Variants in DNAH2 observed in about 807,000 individuals in gnomAD.
DNAH2 encodes the protein dynein axonemal heavy chain 2, also known as axonemal beta dynein heavy chain 2.
Under a neutral mutation model 523.5 loss-of-function variants are expected in DNAH2, and 323 were observed. The ratio of observed to expected loss-of-function variants is 0.62; its 90% CI spans 0.56 to 0.68. The LOEUF (loss-of-function observed/expected upper bound fraction) is 0.68, where lower values mean the gene tolerates loss of function less well. Among genes scored for constraint, DNAH2 ranks in the 30% least tolerant of loss-of-function variants. DNAH2 has a pLI of 0.00. For synonymous variants in DNAH2, 2,093 were observed against 2,177.4 expected, an observed-to-expected ratio of 0.96 and a Z score of 1.08; for missense variants, 4,907 against 5,701.5, an observed-to-expected ratio of 0.86 and a Z score of 4.49.
chr17:7,739,679 G>C (rs1446252476), intron 8 of DNAH2, 54 bp from the exon 9 acceptor site: 1 of 1,544,640 alleles, frequency 6.5e-7, no homozygotes, highest in Non-Finnish European at 8.9e-7. Flanking sequence ...AAATAGCTTA[G>C]GACTTTGGAG....
At position 7,831,027 on chromosome 17, in the gene DNAH2, G is replaced by C; in HGVS notation, c.12231-59G>C. The C allele has an allele frequency of 6.4e-7, 1 of 1,566,402 alleles. No individual in the cohort carries two copies. The highest frequency in any genetic ancestry group is 8.7e-7 in the Non-Finnish European group (1 of 1,148,204). On this transcript the variant is annotated intron_variant, in intron 79 of 85. Transcript: ENST00000572933. The surrounding 1 kb of genome is among the most constrained non-coding windows in gnomAD (Gnocchi z 4.2). Reference sequence around the variant, plus strand: ...GGACATGCATAGGTTTGGGGTCTTGGCCTGGCATTGAGGGCTGAGTCCCCA... The same window carrying C: ...GGACATGCATAGGTTTGGGGTCTTGCCCTGGCATTGAGGGCTGAGTCCCCA...
chr17:7,730,041 A>G (rs1300170356), intron 4 of DNAH2, among the ~76,000 whole-genome samples: 2 of 152,154 alleles, frequency 1.3e-5, no homozygotes, highest in South Asian at 2.1e-4. Context: ...AAAGCATGCA[A>G]AAGAGGAAAA....
At position 7,741,277 on chromosome 17, in the gene DNAH2, TCTTTCTTTCTTTCTTTCTTC is replaced by T. The variant is rs1239192456; in HGVS notation, c.1689+289_1689+308del. On this transcript the variant is annotated intron_variant, in intron 11 of 85. Coordinates refer to ENST00000572933, the MANE Select transcript of DNAH2 (RefSeq NM_020877.5). The stretch of plus-strand genomic sequence containing the variant: ...TTCTTTCTTTCTTTCTTTCTTTCTT[TCTTTCTTTCTTTCTTTCTTC>T]CTTCCTTCCCTCCCTCCCTCCCTCC... Among the ~76,000 whole-genome samples the T allele has an allele frequency of 1.8e-4, 10 of 55,344 alleles. 1 individual carries two copies. The highest frequency in any genetic ancestry group is 2.1e-3 in the East Asian group (2 of 964). 36.3% of individuals were successfully genotyped at this position (55,344 alleles called of 152,430 possible). A position where few individuals can be genotyped will look rare whatever the true frequency, so the allele number is the denominator to read the frequency against.
intron 64 of DNAH2, 28 bp from the exon 65 acceptor site, chr17:7,817,262 C>A (rs1001926446): frequency 1.3e-6 from 2 of 1,577,372 alleles, no homozygotes; most frequent in African/African-American, 1.4e-5. Context: ...GGGGCCCAGG[C>A]AGGCTTACCC....
At position 7,809,818 on chromosome 17, in the gene DNAH2, C is replaced by T. The variant is rs143393813; in HGVS notation, c.9729+2232C>T. 5.0e-3 allele frequency among the ~76,000 whole-genome samples: 756 copies of T among 149,988 alleles called. 4 individuals carry two copies. The highest frequency in any genetic ancestry group is 0.024 in the Middle Eastern group (7 of 292). On this transcript the variant is annotated intron_variant, in intron 63 of 85. Transcript: ENST00000572933. ...CCTTTTTTACGGACAAAGCCTGTGA[C>T]GTTTATGAGCCAAATGCACCTTAAA...
intron 4 of DNAH2, among the ~76,000 whole-genome samples, chr17:7,729,556 G>A (rs1216364556): frequency 3.3e-5 from 5 of 152,028 alleles, no homozygotes; most frequent in African/African-American, 9.7e-5. Context: ...TCAGCCTCCC[G>A]AGTATATGGG....
In DNAH2 at chr17:7,828,867, T is replaced by C. The variant is rs1243691136; in HGVS notation, c.11854-1433T>C. Among the ~76,000 whole-genome samples the C allele has an allele frequency of 6.6e-6, 1 of 152,096 alleles. No homozygotes were observed. Among genetic ancestry groups the C allele is most frequent in the Non-Finnish European group, 1.5e-5 (1 of 68,034 alleles). Reference sequence around the variant, plus strand: ...AAAGTCATGTTATTTTTGTTACTGCTATCCAGTATTCCTCAAGTTTCTCAC... The same window carrying C: ...AAAGTCATGTTATTTTTGTTACTGCCATCCAGTATTCCTCAAGTTTCTCAC... On this transcript the variant is annotated intron_variant, in intron 77 of 85. Transcript: ENST00000572933. The surrounding 1 kb of genome is among the most constrained non-coding windows in gnomAD (Gnocchi z 4.1).
rs1319439877 is a variant in DNAH2 at position 7,818,796 on chromosome 17, T to C, written c.10670+20T>C. ...CCTGCGGTGAGGCCCTGCCTTCCCC[T>C]CCCACTGCCCCACGGGTCTACTCCC... On this transcript the variant is annotated intron_variant, in intron 70 of 85. Transcript: ENST00000572933. 6.2e-7 allele frequency: 1 copy of C among 1,613,576 alleles called. No individual in the cohort carries two copies.
In DNAH2 at chr17:7,759,794, G is replaced by A; in HGVS notation, c.2641G>A (p.Glu881Lys). 1 of 1,614,118 alleles carries A rather than the reference G, an allele frequency of 6.2e-7. No individual in the cohort carries two copies. Among genetic ancestry groups the A allele is most frequent in the African/African-American group, 1.3e-5 (1 of 75,034 alleles). ...NDLQGSVAQV[E>K]FSPTLQTLAG... ...ATCTCCACTGGGTTCCTCACAGGTG[G>A]AATTCTCACCCACTCTGCAGACTTT... The change falls in exon 17 of 86, where the codon GAA (glutamate) becomes AAA (lysine). Residue 881 changes from glutamate to lysine, a missense_variant. Glu to Lys is a moderately conservative substitution (Grantham distance 56, BLOSUM62 1). Transcript: ENST00000572933.
chr17:7,831,043 T>C lies in DNAH2; in HGVS notation c.12231-43T>C. ...GGGGTCTTGGCCTGGCATTGAGGGC[T>C]GAGTCCCCACAATGTGGCAGTAATT... On this transcript the variant is annotated intron_variant, in intron 79 of 85. Transcript: ENST00000572933. This position sits in a 1 kb window ranked among gnomAD's most constrained non-coding sequence, Gnocchi z 4.2. 1 of 1,586,318 alleles carries C rather than the reference T, an allele frequency of 6.3e-7. No individual in the cohort carries two copies. The highest frequency in any genetic ancestry group is 8.6e-7 in the Non-Finnish European group (1 of 1,162,032).
chr17:7,807,290 T>TAGAG lies in DNAH2; in HGVS notation c.9583_9584insAGAG (p.Ser3195Ter). On this transcript the variant is annotated stop_gained and frameshift_variant, in exon 62 of 86. Transcript: ENST00000572933. LOFTEE classifies it high-confidence loss of function. The surrounding 1 kb of genome is among the most constrained non-coding windows in gnomAD (Gnocchi z 5.6). ...CGGCCGCGTCTCCCTGGCTGCCAAGTCCCTCTGCATGTGGGTGCGGGCCAT... is the reference window on the plus strand; with the variant it reads ...CGGCCGCGTCTCCCTGGCTGCCAAGTAGAGCCCTCTGCATGTGGGTGCGGGCCAT... 6.2e-7 allele frequency: 1 copy of TAGAG among 1,613,606 alleles called. No individual in the cohort carries two copies. The highest frequency in any genetic ancestry group is 8.5e-7 in the Non-Finnish European group (1 of 1,179,964).
Position 7,804,319 on chromosome 17 carries a change from C to T in DNAH2, c.9036C>T (p.Phe3012=), listed in dbSNP as rs774853931. ...AQANKLRTGL[F]KIDETREKVQ... Reference sequence around the variant, plus strand: ...CCAATAAACTGCGGACAGGCTTGTTCAAGATCGACGAAACTAGGGAAAAGG... The same window carrying T: ...CCAATAAACTGCGGACAGGCTTGTTTAAGATCGACGAAACTAGGGAAAAGG... Residue 3012 remains phenylalanine (F), a synonymous_variant, in exon 59 of 86, where the codon TTC becomes TTT. Transcript: ENST00000572933. 1 of 1,614,150 alleles carries T rather than the reference C, an allele frequency of 6.2e-7. No individual in the cohort carries two copies. Among genetic ancestry groups the T allele is most frequent in the East Asian group, 2.2e-5 (1 of 44,868 alleles).
chr17:7,825,760 C>A (rs2078001374), intron 77 of DNAH2, among the ~76,000 whole-genome samples: 1 of 152,242 alleles, frequency 6.6e-6, no homozygotes, highest in Non-Finnish European at 1.5e-5. Flanking sequence ...GCATCAGCCC[C>A]AAAGTCAGTG....
chr17:7,817,635 G>A lies in DNAH2; in HGVS notation c.10095G>A (p.Arg3365=). Reference sequence around the variant, plus strand: ...TCCTGTGCAATCCTACCAAAGTCCGGGACTGGAACATCCAAGGGTTGCCCT... The same window carrying A: ...TCCTGTGCAATCCTACCAAAGTCCGAGACTGGAACATCCAAGGGTTGCCCT... The part of the protein sequence containing the change: ...DNFLCNPTKV[R]DWNIQGLPSD... Residue 3365 remains arginine (R), a synonymous_variant, in exon 66 of 86, where the codon CGG becomes CGA. Coordinates refer to ENST00000572933, the MANE Select transcript of DNAH2 (RefSeq NM_020877.5). The A allele has an allele frequency of 6.2e-7, 1 of 1,614,098 alleles. No individual in the cohort carries two copies. The highest frequency in any genetic ancestry group is 8.5e-7 in the Non-Finnish European group (1 of 1,180,028).
intron 11 of DNAH2, 116 bp from the exon 12 acceptor site, chr17:7,742,812 C>T (rs933530878): frequency 4.4e-5 from 27 of 611,944 alleles, no homozygotes; most frequent in Non-Finnish European, 5.9e-5. Context: ...CATAGCAAGC[C>T]TTATGCATAT....
intron 4 of DNAH2, among the ~76,000 whole-genome samples, chr17:7,732,434 C>CAAA (rs796065817): frequency 3.1e-4 from 17 of 54,578 alleles, no homozygotes; most frequent in African/African-American, 4.0e-4. Flanking sequence ...GACTCCATCT[C>CAAA]AAAAAAAAAA....
At chr17:7,732,296 G>A (rs2075011986) in intron 4 of DNAH2, among the ~76,000 whole-genome samples, 1 of 151,608 alleles carries the variant, frequency 6.6e-6, no homozygotes, top group Non-Finnish European at 1.5e-5. Context: ...TTAGCCAGGT[G>A]TGGTGGTACG....
chr17:7,818,812 G>A, intron 70 of DNAH2, 36 bp downstream of exon 70: 1 of 1,613,070 alleles, frequency 6.2e-7, no homozygotes, highest in East Asian at 2.2e-5. Flanking sequence ...TGCCCCACGG[G>A]TCTACTCCCA....
chr17:7,775,052 C>A, intron 29 of DNAH2, 76 bp downstream of exon 29: 2 of 1,429,758 alleles, frequency 1.4e-6, no homozygotes, highest in South Asian at 1.2e-5. Flanking sequence ...TTGGAGGGGA[C>A]CCTGCCCTCC....
Sources: gnomAD v4.1 joint callset for allele counts (sites outside exome capture counted in the v4.1 genomes callset) on GRCh38, gnomAD v4.1.1 for gene constraint, Gnocchi (gnomAD v3.1) non-coding constraint, MANE v1.5 for transcripts, NCBI Gene and HGNC (gene_info 2026-07-23, HGNC 2026-07-21) for gene names.